Variants in SEC13 observed in about 807,000 individuals in gnomAD.
SEC13 encodes the protein protein SEC13 homolog.
In SEC13, 25 loss-of-function variants were observed where a neutral mutation model predicts 49.2. The observed-to-expected ratio is 0.51, with a 90% CI of 0.37 to 0.71. The LOEUF (loss-of-function observed/expected upper bound fraction) is 0.71, where lower values mean the gene tolerates loss of function less well. Ranked by LOEUF, SEC13 falls within the 30% of genes least tolerant of loss-of-function variation. SEC13 has a pLI of 0.00. For missense variants in SEC13, 383 were observed against 417.6 expected (o/e 0.92, Z 0.72); for synonymous variants, 148 against 163.9 (o/e 0.90, Z 0.74).
intron 8 of SEC13, 31 bp downstream of exon 8, chr3:10,303,995 G>C: frequency 1.9e-6 from 3 of 1,612,322 alleles, no homozygotes; most frequent in Non-Finnish European, 2.5e-6. Flanking sequence ...AACAGGCTGT[G>C]TCCACCATGC....
At chr3:10,307,912 AG>A (rs1214162640) in intron 5 of SEC13, among the ~76,000 whole-genome samples, 1 of 152,174 alleles carries the variant, frequency 6.6e-6, no homozygotes, top group Non-Finnish European at 1.5e-5. Flanking sequence ...GTTCTCTACA[AG>A]TAACTATATA....
At chr3:10,319,275 C>T (rs374319083) in intron 1 of SEC13, 34 of 1,608,256 alleles carry the variant, frequency 2.1e-5, no homozygotes, top group Non-Finnish European at 2.8e-5. Flanking sequence ...CACAGGTTCT[C>T]TCATCAGATT....
intron 8 of SEC13, among the ~76,000 whole-genome samples, chr3:10,302,236 T>G (rs982694717): frequency 4.6e-5 from 7 of 152,148 alleles, no homozygotes; most frequent in African/African-American, 7.2e-5. Context: ...AGACTCGATC[T>G]CAAAAAACAA....
chr3:10,315,234 G>C, intron 3 of SEC13, 87 bp downstream of exon 3: 1 of 949,338 alleles, frequency 1.1e-6, no homozygotes, highest in Non-Finnish European at 1.7e-6. Context: ...CTGAATCTGG[G>C]CTCCCATGCT....
chr3:10,308,740 G>A (rs2125258263), intron 5 of SEC13, among the ~76,000 whole-genome samples: 1 of 149,874 alleles, frequency 6.7e-6, no homozygotes, highest in South Asian at 2.1e-4. Flanking sequence ...TTTCTTTAAA[G>A]TCTAATAATT....
chr3:10,311,199 T>G (rs1278431720), intron 5 of SEC13, among the ~76,000 whole-genome samples: 2 of 151,878 alleles, frequency 1.3e-5, no homozygotes, highest in Non-Finnish European at 2.9e-5. Context: ...AGTGTGGGGG[T>G]GTGTGTGAGT....
chr3:10,316,610 A>C (rs553737898), intron 2 of SEC13, among the ~76,000 whole-genome samples: 12 of 152,188 alleles, frequency 7.9e-5, no homozygotes, highest in Non-Finnish European at 1.8e-4. Context: ...CTTGAGCTTC[A>C]GTTTCCTTAT....
chr3:10,303,254 C>T (rs1444554597), intron 8 of SEC13, among the ~76,000 whole-genome samples: 3 of 152,252 alleles, frequency 2.0e-5, no homozygotes, highest in Non-Finnish European at 4.4e-5. Context: ...TCCAGACCAA[C>T]TCGCACTTCA....
intron 3 of SEC13, chr3:10,313,130 A>C: frequency 4.3e-6 from 1 of 231,052 alleles, no homozygotes; most frequent in South Asian, 6.4e-5. Context: ...ATCCTTCCCG[A>C]CGGTCAGCTT....
chr3:10,315,464 C>G (rs888530402), intron 2 of SEC13, 28 bp from the exon 3 acceptor site: 2 of 155,658 alleles, frequency 1.3e-5, no homozygotes, highest in Admixed American at 1.1e-4. Context: ...CTCGGGAAGC[C>G]TGCAGGCTGG....
At chr3:10,307,650 C>T (rs1483349392) in intron 5 of SEC13, among the ~76,000 whole-genome samples, 1 of 152,162 alleles carries the variant, frequency 6.6e-6, no homozygotes, top group Non-Finnish European at 1.5e-5. Flanking sequence ...ATCAAGAGAA[C>T]AGCATGGAAA....
chr3:10,302,040 G>A (rs1023712697), intron 8 of SEC13, among the ~76,000 whole-genome samples: 1 of 151,972 alleles, frequency 6.6e-6, no homozygotes, highest in African/African-American at 2.4e-5. Context: ...CCAGGAGTTC[G>A]CGACCAGCCT....
rs1700461292 is a variant in SEC13, at chr3:10,300,970, A to G, written c.*291T>C. 1 of 1,073,152 alleles carries G rather than the reference A, an allele frequency of 9.3e-7. No homozygotes were observed. Among genetic ancestry groups the G allele is most frequent in the Non-Finnish European group, 1.4e-6 (1 of 728,916 alleles). 66.5% of individuals were successfully genotyped at this position (1,073,152 alleles called of 1,614,324 possible). A position where few individuals can be genotyped will look rare whatever the true frequency, so the allele number is the denominator to read the frequency against. ...ACTTTATTTAGTTCCTTTGGAAACA[A>G]AACCCCCCAAATAATGCCTGAACCC... On this transcript the variant is annotated 3_prime_UTR_variant, in exon 9 of 9. Transcript: ENST00000350697.
rs1700707013 is a variant in SEC13, at chr3:10,304,012, GAATGGGT to G, written c.855+7_855+13del. On this transcript the variant is annotated splice_region_variant and intron_variant, in intron 8 of 8. Transcript: ENST00000350697. ...CAGGCTGTGTCCACCATGCCACGGGGAATGGGTATGTACCTTATTGTCTCCACCAGAG... is the reference window on the plus strand; with the variant it reads ...CAGGCTGTGTCCACCATGCCACGGGGATGTACCTTATTGTCTCCACCAGAG... 6.2e-7 allele frequency: 1 copy of G among 1,613,618 alleles called. No homozygotes were observed. The highest frequency in any genetic ancestry group is 8.5e-7 in the Non-Finnish European group (1 of 1,180,000).
intron 5 of SEC13, among the ~76,000 whole-genome samples, chr3:10,309,180 C>T (rs1312950385): frequency 1.3e-5 from 2 of 151,602 alleles, no homozygotes; most frequent in African/African-American, 2.4e-5. Context: ...TCAGGTGATC[C>T]GCCCACCTCA....
chr3:10,301,041 A>T lies in SEC13; in HGVS notation c.*220T>A. ...CAAAATAGATTTGAACATCACTTGT[A>T]GTTTCTTCCTCGTAACATGAGTGCT... On this transcript the variant is annotated 3_prime_UTR_variant, in exon 9 of 9. Transcript: ENST00000350697. 2.5e-6 allele frequency: 4 copies of T among 1,578,104 alleles called. No homozygotes were observed. Among genetic ancestry groups the T allele is most frequent in the Non-Finnish European group, 3.5e-6 (4 of 1,154,002 alleles).
At chr3:10,306,412 C>T (rs1700880139) in intron 5 of SEC13, among the ~76,000 whole-genome samples, 1 of 152,228 alleles carries the variant, frequency 6.6e-6, no homozygotes, top group Non-Finnish European at 1.5e-5. Flanking sequence ...TGCGTTCTCT[C>T]ATCAGGAGGC....
chr3:10,306,282 G>A (rs1042045498), intron 5 of SEC13, among the ~76,000 whole-genome samples: 2 of 151,940 alleles, frequency 1.3e-5, no homozygotes, highest in African/African-American at 2.4e-5. Flanking sequence ...CTAGTCTCTC[G>A]GTCTGGGTTT....
intron 4 of SEC13, among the ~76,000 whole-genome samples, chr3:10,312,353 T>C (rs553752211): frequency 6.6e-6 from 1 of 152,306 alleles, no homozygotes; most frequent in African/African-American, 2.4e-5. Context: ...GTCCTTGCAA[T>C]GAATAATCCT....
Sources: gnomAD v4.1 joint callset for allele counts (sites outside exome capture counted in the v4.1 genomes callset) on GRCh38, gnomAD v4.1.1 for gene constraint, MANE v1.5 for transcripts, NCBI Gene and HGNC (gene_info 2026-07-23, HGNC 2026-07-21) for gene names.